SPTBN5: variants seen among roughly 807,000 people sequenced by gnomAD.
SPTBN5 encodes the protein spectrin beta, non-erythrocytic 5, also known as spectrin beta chain, non-erythrocytic 5.
In SPTBN5, 513 loss-of-function variants were observed where a neutral mutation model predicts 477.6. The observed-to-expected ratio is 1.07, with a 90% confidence interval of 1.00 to 1.16. The LOEUF (loss-of-function observed/expected upper bound fraction) is 1.16, where lower values mean the gene tolerates loss of function less well. Ranked by LOEUF, SPTBN5 falls within the 50% of genes most tolerant of loss-of-function variation. The pLI is 0.00. For synonymous variants in SPTBN5, 2,169 were observed against 2,011.7 expected (o/e 1.08, Z -2.09); for missense variants, 5,062 against 4,731.8 (o/e 1.07, Z -2.05).
At chr15:41,868,745 G>A (rs4923918) in intron 32 of SPTBN5, 144 bp from the exon 33 acceptor site, 35,767 of 709,444 alleles carry the variant, frequency 0.05, 1,359 homozygotes, top group East Asian at 0.16. Context: ...AGGCACATGT[G>A]GCCCTTTGTC....
At position 41,852,407 on chromosome 15, in the gene SPTBN5, C is replaced by G. The variant is rs2065795835; in HGVS notation, c.10450-91G>C. The stretch of plus-strand genomic sequence containing the variant: ...CGTCTACCTCCCCTCCCCCAGCCCT[C>G]CCGGTCAGAGGGGGCCTGCCTCCCC... On this transcript the variant is annotated intron_variant, in intron 61 of 67. Coordinates refer to ENST00000320955, the MANE Select transcript of SPTBN5 (RefSeq NM_016642.4). 3 of 1,472,980 alleles carry G rather than the reference C, an allele frequency of 2.0e-6. No homozygotes were observed. In the Admixed American group the frequency reaches 6.7e-5, roughly 33 times the overall value. The allele number at this position is 1,472,980 out of a possible 1,614,324, so 91.2% of individuals were successfully genotyped here.
intron 66 of SPTBN5, chr15:41,850,254 G>A: frequency 2.4e-6 from 1 of 410,724 alleles, no homozygotes; most frequent in East Asian, 4.7e-5. Context: ...TTGGGCTCCT[G>A]GGAAGACAGA....
intron 24 of SPTBN5, 38 bp from the exon 25 acceptor site, chr15:41,874,083 C>CAT: frequency 1.2e-5 from 19 of 1,552,924 alleles, no homozygotes; most frequent in Non-Finnish European, 1.6e-5. Flanking sequence ...TGCTCTTAAC[C>CAT]CAGGGGCGTC....
rs1355433475 is a variant in SPTBN5, at chr15:41,883,218, C to T, written c.1670G>A (p.Arg557Lys). 3.7e-6 allele frequency: 6 copies of T among 1,609,992 alleles called. No individual in the cohort carries two copies. In the Admixed American group the frequency reaches 5.0e-5, roughly 13 times the overall value. ...HQLEELQEPA[R>K]STACGQQLAE... Reference sequence around the variant, plus strand: ...CAGCTGCTGCCCACAGGCGGTGGACCTGGCCGGCTCCTGGCCAGAGATGAT... The same window carrying T: ...CAGCTGCTGCCCACAGGCGGTGGACTTGGCCGGCTCCTGGCCAGAGATGAT... The change falls in exon 9 of 68, where the codon AGG becomes AAG. Residue 557 changes from arginine to lysine, a missense_variant. Physicochemically the swap from Arg to Lys is conservative, Grantham distance 26 (BLOSUM62 2). Coordinates refer to ENST00000320955, the MANE Select transcript of SPTBN5 (RefSeq NM_016642.4).
Position 41,870,027 on chromosome 15 carries a change from G to C in SPTBN5, c.5674-7C>G. 1 of 1,476,626 alleles carries C rather than the reference G, an allele frequency of 6.8e-7. No homozygotes were observed. Among genetic ancestry groups the C allele is most frequent in the Non-Finnish European group, 9.0e-7 (1 of 1,110,644 alleles). 91.5% of individuals were successfully genotyped at this position (1,476,626 alleles called of 1,614,324 possible). On this transcript the variant is annotated splice_region_variant and splice_polypyrimidine_tract_variant and intron_variant, in intron 31 of 67. Coordinates refer to ENST00000320955, the MANE Select transcript of SPTBN5 (RefSeq NM_016642.4). The stretch of plus-strand genomic sequence containing the variant: ...TCTCCAGCAGTTCCTGCAGCTGCGG[G>C]AGGGGCAGGGAATAGGGAGGCAAGG...
At position 41,858,746 on chromosome 15, in the gene SPTBN5, C is replaced by T; in HGVS notation, c.8082G>A (p.Val2694=). The stretch of plus-strand genomic sequence containing the variant: ...GGTTCTTCTCCCTCAGCCACGCAGC[C>T]ACCTGGGCACATGGGGAGGACAGGC... ...LQAFLQDSQE[V]AAWLREKNLV... The change falls in exon 49 of 68, where the codon GTG becomes GTA. Residue 2694 remains valine, a splice_region_variant and synonymous_variant. Coordinates refer to ENST00000320955, the MANE Select transcript of SPTBN5 (RefSeq NM_016642.4). 1 of 1,609,110 alleles carries T rather than the reference C, an allele frequency of 6.2e-7. No homozygotes were observed. The highest frequency in any genetic ancestry group is 8.5e-7 in the Non-Finnish European group (1 of 1,178,364).
At chr15:41,878,256 C>G in intron 17 of SPTBN5, 86 bp downstream of exon 17, 3 of 1,485,462 alleles carry the variant, frequency 2.0e-6, no homozygotes, top group Non-Finnish European at 2.7e-6. Flanking sequence ...CACACTACTT[C>G]CCGCATGCTC....
chr15:41,853,242 C>T lies in SPTBN5; in HGVS notation c.10170+16G>A. 5 of 1,572,852 alleles carry T rather than the reference C, an allele frequency of 3.2e-6. No individual in the cohort carries two copies. The highest frequency in any genetic ancestry group is 1.2e-5 in the South Asian group (1 of 86,086). On this transcript the variant is annotated intron_variant, in intron 59 of 67. Transcript: ENST00000320955. Reference sequence around the variant, plus strand: ...TATCCCCAGCCCAACCCCAGGCCCACCCTCTGAGTTCACACCTCCGCAGAC... The same window carrying T: ...TATCCCCAGCCCAACCCCAGGCCCATCCTCTGAGTTCACACCTCCGCAGAC...
intron 67 of SPTBN5, 70 bp downstream of exon 67, chr15:41,849,799 A>C: frequency 8.0e-7 from 1 of 1,248,410 alleles, no homozygotes; most frequent in Non-Finnish European, 1.1e-6. Flanking sequence ...CTCAGGCTTC[A>C]GAGGACAGCG....
chr15:41,865,767 C>T (rs552820650), intron 39 of SPTBN5, 41 bp downstream of exon 39: 37 of 1,504,246 alleles, frequency 2.5e-5, no homozygotes, highest in African/African-American at 5.5e-5. Context: ...ATTTTCAGTG[C>T]GGGATGCATG....
Position 41,893,404 on chromosome 15 carries a change from G to T in SPTBN5, c.94C>A (p.Pro32Thr), listed in dbSNP as rs1190333729. 2 of 1,613,486 alleles carry T rather than the reference G, an allele frequency of 1.2e-6. No individual in the cohort carries two copies. Among genetic ancestry groups the T allele is most frequent in the Admixed American group, 1.7e-5 (1 of 60,004 alleles). ...PSTELRVPPS[P>T]SLTMDSQYET... ...TACTGAGAGTCCATGGTGAGACTTG[G>T]ACTGGGCGGGACCCGGAGTTCTGTG... The change falls in exon 2 of 68, where the codon CCA becomes ACA. Residue 32 changes from proline (P) to threonine (T), a missense_variant. By Grantham distance (38) the Pro-to-Thr change is conservative. Transcript: ENST00000320955.
intron 32 of SPTBN5, among the ~76,000 whole-genome samples, chr15:41,869,457 C>T (rs1256123651): frequency 1.3e-5 from 2 of 152,236 alleles, no homozygotes; most frequent in African/African-American, 4.8e-5. Flanking sequence ...CTATATTGCC[C>T]TCCTCTCTCC....
At chr15:41,850,967 C>A (rs1308829771) in intron 65 of SPTBN5, 28 bp from the exon 66 acceptor site, 1 of 1,593,728 alleles carries the variant, frequency 6.3e-7, no homozygotes, top group South Asian at 1.1e-5. Flanking sequence ...AGGTCAAACT[C>A]CACTGTCCCT....
At chr15:41,893,805 G>A in intron 1 of SPTBN5, 94 bp downstream of exon 1, 2 of 483,032 alleles carry the variant, frequency 4.1e-6, no homozygotes, top group Non-Finnish European at 7.5e-6. Context: ...CAGGTGGAAG[G>A]AAGACAGGAA....
intron 39 of SPTBN5, 40 bp from the exon 40 acceptor site, chr15:41,864,064 T>C (rs370620546): frequency 8.2e-5 from 126 of 1,530,010 alleles, no homozygotes; most frequent in African/African-American, 8.0e-4. Context: ...GCACCCCCCA[T>C]GCAGAGCCCC....
intron 43 of SPTBN5, 57 bp downstream of exon 43, chr15:41,862,482 G>A: frequency 6.4e-7 from 1 of 1,562,464 alleles, no homozygotes; most frequent in Non-Finnish European, 8.7e-7. Flanking sequence ...GAGGGGAGGT[G>A]TGGGGACTGA....
chr15:41,871,255 C>G, intron 29 of SPTBN5, 120 bp downstream of exon 29: 1 of 1,190,278 alleles, frequency 8.4e-7, no homozygotes, highest in Non-Finnish European at 1.1e-6. Flanking sequence ...TGCAGAGCCC[C>G]GTGGGCAGCC....
rs2067144757 is a variant in SPTBN5, at chr15:41,886,183, G to A, written c.1072C>T (p.Pro358Ser). 5 of 1,612,928 alleles carry A rather than the reference G, an allele frequency of 3.1e-6. No homozygotes were observed. Among genetic ancestry groups the A allele is most frequent in the South Asian group, 1.1e-5 (1 of 91,078 alleles). ...GCGGCCCCTCGCTGCTGTAGCCGGG[G>A]TGGCTTCTCCTGGGTGCGGAAGATG... ...FTIFRTQEKP[P>S]RLQQRGAAEA... The change falls in exon 7 of 68, where the codon CCC becomes TCC. Residue 358 changes from proline to serine, a missense_variant. Physicochemically the swap from Pro to Ser is moderately conservative, Grantham distance 74. Coordinates refer to ENST00000320955, the MANE Select transcript of SPTBN5 (RefSeq NM_016642.4).
rs2065969079 is a variant in SPTBN5 at position 41,857,702 on chromosome 15, C to T, written c.8235G>A (p.Gln2745=). 1 of 1,572,542 alleles carries T rather than the reference C, an allele frequency of 6.4e-7. No individual in the cohort carries two copies. Among genetic ancestry groups the T allele is most frequent in the African/African-American group, 1.3e-5 (1 of 74,206 alleles). ...HQQQELQREG[Q]RLLQGGHPAS... Reference sequence around the variant, plus strand: ...CTGGGTGGCCCCCCTGCAGCAGCCTCTGTCCCTCCTGCAGCCACAACATGA... The same window carrying T: ...CTGGGTGGCCCCCCTGCAGCAGCCTTTGTCCCTCCTGCAGCCACAACATGA... Residue 2745 remains glutamine, a synonymous_variant, in exon 50 of 68, where the codon CAG becomes CAA. Transcript: ENST00000320955.
Sources: gnomAD v4.1 joint callset for allele counts (sites outside exome capture counted in the v4.1 genomes callset) on GRCh38, gnomAD v4.1.1 for gene constraint, MANE v1.5 for transcripts, NCBI Gene and HGNC (gene_info 2026-07-23, HGNC 2026-07-21) for gene names.